PRSS54: variants seen among roughly 807,000 people sequenced by gnomAD.
The protein encoded by PRSS54 is inactive serine protease 54.
PRSS54 carries 16 observed loss-of-function variants against 19.9 expected under a neutral mutation model. That is an observed-to-expected ratio of 0.80 (90% CI 0.54 to 1.22). The LOEUF (loss-of-function observed/expected upper bound fraction) is 1.22. PRSS54 is among the 50% of genes most tolerant of loss of function. The probability of loss-of-function intolerance (pLI) is 0.00; values close to 1 mark genes in which losing one functional copy is unlikely to be tolerated. For missense variants in PRSS54, 444 were observed against 494.8 expected (o/e 0.90, Z 0.97); for synonymous variants, 177 against 195.8 (o/e 0.90, Z 0.80).
Position 58,280,127 on chromosome 16 carries a change from T to C in PRSS54, c.*97A>G. On this transcript the variant is annotated 3_prime_UTR_variant, in exon 7 of 7. Coordinates refer to ENST00000567164, the MANE Select transcript of PRSS54 (RefSeq NM_001305173.2). ...ATGGGCTTATCCGTGGCAGCCCCAG[T>C]GTGCAACTATCAAAAACAGACATCA... 1 of 1,258,528 alleles carries C rather than the reference T, an allele frequency of 7.9e-7. No homozygotes were observed. Among genetic ancestry groups the C allele is most frequent in the Non-Finnish European group, 1.1e-6 (1 of 898,060 alleles). 78.0% of individuals were successfully genotyped at this position (1,258,528 alleles called of 1,614,324 possible). A position where few individuals can be genotyped will look rare whatever the true frequency, so the allele number is the denominator to read the frequency against.
In PRSS54 at chr16:58,291,104, C is replaced by A. The variant is rs757740009; in HGVS notation, c.118G>T (p.Gly40Cys). Residue 40 changes from glycine to cysteine, a missense_variant, in exon 4 of 7, where the codon GGT (glycine) becomes TGT (cysteine). Coordinates refer to ENST00000567164, the MANE Select transcript of PRSS54 (RefSeq NM_001305173.2). ...CGVQKASVFY[G>C]PDPKEGLVSS... is the part of the protein sequence containing the mutation. ...ACCAAGCCCTCCTTGGGGTCAGGAC[C>A]GTAGAAAACGGAAGCTTTCTGGACG... 4 of 1,614,006 alleles carry A rather than the reference C, an allele frequency of 2.5e-6. No homozygotes were observed. Among genetic ancestry groups the A allele is most frequent in the East Asian group, 2.2e-5 (1 of 44,888 alleles).
At chr16:58,282,793 G>GCAGTT (rs1332740527) in intron 6 of PRSS54, 3 of 152,236 alleles carry the variant, frequency 2.0e-5, no homozygotes, top group Non-Finnish European at 4.4e-5. Context: ...AGTCCGATTC[G>GCAGTT]CAGTTTGTCT....
intron 4 of PRSS54, among the ~76,000 whole-genome samples, chr16:58,286,421 C>T (rs1276132216): frequency 6.6e-6 from 1 of 151,968 alleles, no homozygotes; most frequent in Non-Finnish European, 1.5e-5. Context: ...ATTCTTTAAT[C>T]TTAACACCAT....
At chr16:58,290,531 C>T (rs1361152859) in intron 4 of PRSS54, among the ~76,000 whole-genome samples, 3 of 152,182 alleles carry the variant, frequency 2.0e-5, no homozygotes, top group East Asian at 3.9e-4. Context: ...CTCTTAAAAG[C>T]GCTTCTGTAT....
chr16:58,280,760 G>A lies in PRSS54; in HGVS notation c.655-3C>T. The A allele has an allele frequency of 1.3e-6, 2 of 1,596,322 alleles. No individual in the cohort carries two copies. The highest frequency in any genetic ancestry group is 8.6e-7 in the Non-Finnish European group (1 of 1,168,444). ...ATCATTGGGCTTCCTGGGTCCCCCTGTGATAAAAGACAGAAGGCTTCAAGT... is the reference window on the plus strand; with the variant it reads ...ATCATTGGGCTTCCTGGGTCCCCCTATGATAAAAGACAGAAGGCTTCAAGT... On this transcript the variant is annotated splice_polypyrimidine_tract_variant and splice_region_variant and intron_variant, in intron 6 of 6. Coordinates refer to ENST00000567164, the MANE Select transcript of PRSS54 (RefSeq NM_001305173.2).
chr16:58,283,749 G>C (rs1261877463), intron 6 of PRSS54: 2 of 152,198 alleles, frequency 1.3e-5, no homozygotes, highest in Non-Finnish European at 2.9e-5. Flanking sequence ...GCACTCAATA[G>C]ATGTTACACC....
At chr16:58,292,584 C>T (rs1420579988) in intron 3 of PRSS54, among the ~76,000 whole-genome samples, 1 of 152,106 alleles carries the variant, frequency 6.6e-6, no homozygotes, top group Admixed American at 6.5e-5. Flanking sequence ...CCAGACATCT[C>T]CATTAATTGA....
intron 2 of PRSS54, 46 bp downstream of exon 2, chr16:58,293,939 T>TC (rs1311437510): frequency 1.9e-4 from 154 of 829,746 alleles, no homozygotes; most frequent in Admixed American, 3.3e-4. Context: ...CATCAGAGGC[T>TC]CCCCCTCTTT....
chr16:58,290,751 C>T (rs546646450), intron 4 of PRSS54, among the ~76,000 whole-genome samples: 1 of 152,326 alleles, frequency 6.6e-6, no homozygotes, highest in Non-Finnish European at 1.5e-5. Flanking sequence ...TTGCATTTTT[C>T]CGTTGCAAGG....
rs1965113009 is a variant in PRSS54 at position 58,294,919 on chromosome 16, T to C, written c.-264A>G. 6.5e-6 allele frequency: 1 copy of C among 152,774 alleles called. No homozygotes were observed. Among genetic ancestry groups the C allele is most frequent in the South Asian group, 2.1e-4 (1 of 4,828 alleles). 9.5% of individuals were successfully genotyped at this position (152,774 alleles called of 1,614,324 possible). ...CACTCATGACACTGGATGCCTCTTGTCCTCAGAATGGTCCTCAGAGTTCGT... is the reference window on the plus strand; with the variant it reads ...CACTCATGACACTGGATGCCTCTTGCCCTCAGAATGGTCCTCAGAGTTCGT... On this transcript the variant is annotated 5_prime_UTR_variant, in exon 1 of 7. Coordinates refer to ENST00000567164, the MANE Select transcript of PRSS54 (RefSeq NM_001305173.2).
chr16:58,292,890 G>A (rs2142655432), intron 3 of PRSS54, among the ~76,000 whole-genome samples: 1 of 152,318 alleles, frequency 6.6e-6, no homozygotes, highest in East Asian at 1.9e-4. Flanking sequence ...GAGATGAAAT[G>A]CTTGTCTTGG....
chr16:58,291,254 G>T, intron 3 of PRSS54, 118 bp from the exon 4 acceptor site: 1 of 918,012 alleles, frequency 1.1e-6, no homozygotes, highest in Non-Finnish European at 1.6e-6. Context: ...TCTTTCTTTT[G>T]CCTAGTGTGT....
intron 3 of PRSS54, among the ~76,000 whole-genome samples, chr16:58,292,995 G>A (rs1010228899): frequency 6.6e-6 from 1 of 152,172 alleles, no homozygotes; most frequent in Non-Finnish European, 1.5e-5. Context: ...ACAGAGAGCT[G>A]CAGGAGGCTG....
chr16:58,291,164 C>G, intron 3 of PRSS54, 28 bp from the exon 4 acceptor site: 1 of 1,608,384 alleles, frequency 6.2e-7, no homozygotes, highest in Non-Finnish European at 8.5e-7. Flanking sequence ...GGCCTCACTG[C>G]CGGGGCAAGG....
intron 4 of PRSS54, among the ~76,000 whole-genome samples, chr16:58,287,750 T>C (rs766458569): frequency 6.6e-6 from 1 of 152,134 alleles, no homozygotes; most frequent in Non-Finnish European, 1.5e-5. Flanking sequence ...ACTAGTAAAG[T>C]TGCTGGACTT....
At chr16:58,287,996 C>T (rs534166144) in intron 4 of PRSS54, among the ~76,000 whole-genome samples, 11 of 152,300 alleles carry the variant, frequency 7.2e-5, no homozygotes, top group African/African-American at 2.2e-4. Flanking sequence ...TTTTAATTTA[C>T]CTGTGAAAAT....
At chr16:58,290,269 A>G (rs889758772) in intron 4 of PRSS54, among the ~76,000 whole-genome samples, 3 of 151,922 alleles carry the variant, frequency 2.0e-5, no homozygotes, top group Non-Finnish European at 4.4e-5. Flanking sequence ...TGTGTAATTA[A>G]CCATCCTAGG....
At position 58,280,059 on chromosome 16, in the gene PRSS54, C is replaced by T. The variant is rs1041588631; in HGVS notation, c.*165G>A. ...CATAGTGAAAGTGACCTTCCCACAC[C>T]TGGGAGAGGGATAGAGGAGGGAGAG... On this transcript the variant is annotated 3_prime_UTR_variant, in exon 7 of 7. Transcript: ENST00000567164. 1.3e-5 allele frequency: 9 copies of T among 701,152 alleles called. No individual in the cohort carries two copies. The highest frequency in any genetic ancestry group is 5.4e-5 in the African/African-American group (3 of 55,388). The allele number at this position is 701,152 out of a possible 1,614,324, so 43.4% of individuals were successfully genotyped here.
At chr16:58,292,467 T>C (rs761002057) in intron 3 of PRSS54, among the ~76,000 whole-genome samples, 1 of 152,154 alleles carries the variant, frequency 6.6e-6, no homozygotes, top group East Asian at 1.9e-4. Context: ...ACCTTGCATA[T>C]GAGCCCCAAA....
Sources: gnomAD v4.1 joint callset for allele counts (sites outside exome capture counted in the v4.1 genomes callset) on GRCh38, gnomAD v4.1.1 for gene constraint, MANE v1.5 for transcripts, NCBI Gene and HGNC (gene_info 2026-07-23, HGNC 2026-07-21) for gene names.